ZNF75D: variants seen among roughly 807,000 people sequenced by gnomAD.
The protein encoded by ZNF75D is zinc finger protein 75D.
ZNF75D carries 33 observed loss-of-function variants against 33.3 expected under a neutral mutation model. The ratio of observed to expected loss-of-function variants is 0.99; its 90% CI spans 0.75 to 1.32. The LOEUF is 1.32. ZNF75D is among the 40% of genes most tolerant of loss of function. ZNF75D has a pLI of 0.00. For synonymous variants in ZNF75D, 113 were observed against 130.6 expected, an observed-to-expected ratio of 0.87 and a Z score of 0.92; for missense variants, 338 against 367.5, an observed-to-expected ratio of 0.92 and a Z score of 0.66.
intron 1 of ZNF75D, among the ~76,000 whole-genome samples, chrX:135,324,021 A>ACG (rs1556436122): frequency 9.2e-6 from 1 of 108,687 alleles, no homozygotes; most frequent in Non-Finnish European, 1.9e-5. Context: ...ACACACACAC[A>ACG]CACGCACACC....
chrX:135,290,476 G>A (rs1344498096), intron 6 of ZNF75D, among the ~76,000 whole-genome samples: 4 of 112,163 alleles, frequency 3.6e-5, no homozygotes, highest in African/African-American at 1.3e-4. Context: ...TTAGGATTAC[G>A]CTAATATTCT....
chrX:135,258,638 G>C (rs1556414914), intron 1 of ZNF75D, among the ~76,000 whole-genome samples: 1 of 111,006 alleles, frequency 9.0e-6, no homozygotes. Flanking sequence ...GTTTTGATGG[G>C]GTTGTTTGTT....
chrX:135,308,911 T>C (rs1262202789), intron 1 of ZNF75D, among the ~76,000 whole-genome samples: 1 of 111,751 alleles, frequency 8.9e-6, no homozygotes, highest in African/African-American at 3.3e-5. Flanking sequence ...TAAAGTAACA[T>C]AAAGAGATTT....
chrX:135,289,899 T>C (rs1556420808), intron 6 of ZNF75D, among the ~76,000 whole-genome samples: 1 of 111,703 alleles, frequency 9.0e-6, no homozygotes, highest in Middle Eastern at 4.2e-3. Flanking sequence ...AGTTAACATT[T>C]CTGCTTACTG....
chrX:135,326,686 C>T (rs1008807150), intron 1 of ZNF75D, among the ~76,000 whole-genome samples: 17 of 111,829 alleles, frequency 1.5e-4, no homozygotes, highest in Admixed American at 3.8e-4. Context: ...ACACTCACCG[C>T]GAAGATCTGC....
intron 1 of ZNF75D, among the ~76,000 whole-genome samples, chrX:135,312,544 T>C (rs2084371208): frequency 8.9e-6 from 1 of 111,832 alleles, no homozygotes; most frequent in Non-Finnish European, 1.9e-5. Flanking sequence ...ATAGTAGATA[T>C]ATTTTTAGTT....
chrX:135,291,361 G>A, intron 5 of ZNF75D, 111 bp downstream of exon 5: 1 of 955,594 alleles, frequency 1.0e-6, no homozygotes, highest in Non-Finnish European at 1.5e-6. Flanking sequence ...AATAACTGGG[G>A]CTAAAATGCC....
chrX:135,317,358 A>T (rs782546103), intron 1 of ZNF75D, among the ~76,000 whole-genome samples: 195 of 111,931 alleles, frequency 1.7e-3, no homozygotes, highest in African/African-American at 6.1e-3. Context: ...CACTGGTGGC[A>T]GCAGTGGGCT....
At chrX:135,328,875 T>A (rs782792154) in intron 1 of ZNF75D, among the ~76,000 whole-genome samples, 21 of 112,471 alleles carry the variant, frequency 1.9e-4, no homozygotes, top group African/African-American at 6.5e-4. Flanking sequence ...GTGTAACAAT[T>A]CCTTTGGAAG....
intron 1 of ZNF75D, among the ~76,000 whole-genome samples, chrX:135,273,623 C>T (rs1556417255): frequency 1.8e-5 from 2 of 111,009 alleles, no homozygotes; most frequent in Non-Finnish European, 3.8e-5. Flanking sequence ...AAAGCAGCAC[C>T]AGTGCCCACC....
intron 1 of ZNF75D, among the ~76,000 whole-genome samples, chrX:135,339,635 A>G (rs782150864): frequency 8.0e-5 from 9 of 111,912 alleles, no homozygotes; most frequent in Non-Finnish European, 1.5e-4. Context: ...CGCTGCATAC[A>G]TTTACACATA....
At chrX:135,303,307 G>T (rs923056595) in intron 1 of ZNF75D, among the ~76,000 whole-genome samples, 18 of 110,794 alleles carry the variant, frequency 1.6e-4, no homozygotes, top group African/African-American at 5.9e-4. Context: ...GCTGGGGGAC[G>T]GTCAGGTCTT....
chrX:135,314,501 C>A (rs1556430399), intron 1 of ZNF75D, among the ~76,000 whole-genome samples: 1 of 111,173 alleles, frequency 9.0e-6, no homozygotes, highest in Non-Finnish European at 1.9e-5. Flanking sequence ...GTAATTCTGG[C>A]CTTGTAGAAT....
chrX:135,321,056 G>A (rs2084489520), intron 1 of ZNF75D, among the ~76,000 whole-genome samples: 1 of 112,016 alleles, frequency 8.9e-6, no homozygotes, highest in Admixed American at 9.4e-5. Context: ...CCAAGATCAA[G>A]GCACTGACAC....
At chrX:135,261,047 G>T (rs7064402) in intron 1 of ZNF75D, among the ~76,000 whole-genome samples, 1 of 112,056 alleles carries the variant, frequency 8.9e-6, no homozygotes, top group Non-Finnish European at 1.9e-5. Flanking sequence ...CCTTCACTTC[G>T]TTATTTACCC....
At position 135,287,553 on chromosome X, in the gene ZNF75D, T is replaced by A; in HGVS notation, c.1117A>T (p.Ser373Cys). The A allele has an allele frequency of 8.3e-7, 1 of 1,211,944 alleles. No homozygotes were observed. Among genetic ancestry groups the A allele is most frequent in the Non-Finnish European group, 1.1e-6 (1 of 895,525 alleles). Residue 373 changes from serine (S) to cysteine (C), a missense_variant, in exon 7 of 7, where the codon AGC becomes TGC. By Grantham distance (112) the Ser-to-Cys change is moderately radical (BLOSUM62 -1). Coordinates refer to ENST00000370766, the MANE Select transcript of ZNF75D (RefSeq NM_007131.5). ...ATAAGATCAGAGCTAACTCTGAAGC[T>A]TTTCCCACATTCCTGACACTTAAAA... is the stretch of plus-strand genomic sequence containing the variant. ...KPFKCQECGK[S>C]FRVSSDLIKH...
chrX:135,256,376 A>G (rs1326471162), intron 1 of ZNF75D, among the ~76,000 whole-genome samples: 1 of 108,026 alleles, frequency 9.3e-6, no homozygotes, highest in Non-Finnish European at 1.9e-5. Context: ...ATCACAGCTG[A>G]AAACAAATCC....
At chrX:135,264,912 G>T (rs1234648765) in intron 1 of ZNF75D, among the ~76,000 whole-genome samples, 1 of 112,170 alleles carries the variant, frequency 8.9e-6, no homozygotes, top group Non-Finnish European at 1.9e-5. Flanking sequence ...AGCCTCAAAA[G>T]AACAAATCTA....
At position 135,287,776 on chromosome X, in the gene ZNF75D, T is replaced by C. The variant is rs781912825; in HGVS notation, c.894A>G (p.Ser298=). 6 of 1,210,779 alleles carry C rather than the reference T, an allele frequency of 5.0e-6. No homozygotes were observed. The South Asian group carries it at 8.8e-5, about 18-fold the overall frequency. ...TGGTCTTTTTTGATACTTCGCATCC[T>C]GATGTTTGTATTTCTGATGTAGAAA... ...ISVSTSEIQT[S]GCEVSKKTRM... is the part of the protein sequence containing the mutation. Residue 298 remains serine, a synonymous_variant, in exon 7 of 7, where the codon TCA becomes TCG. Transcript: ENST00000370766.
Sources: allele counts gnomAD v4.1 joint callset (sites outside exome capture counted in the v4.1 genomes callset), GRCh38; gene constraint gnomAD v4.1.1; transcripts MANE v1.5; gene names NCBI Gene and HGNC (gene_info 2026-07-23, HGNC 2026-07-21).